SLC24A3: variants seen among roughly 807,000 people sequenced by gnomAD.
SLC24A3 encodes solute carrier family 24 member 3.
In SLC24A3, 28 loss-of-function variants were observed where a neutral mutation model predicts 75.8. The ratio of observed to expected loss-of-function variants is 0.37; its 90% CI spans 0.27 to 0.51. SLC24A3 has a LOEUF of 0.51. Ranked by LOEUF, SLC24A3 falls within the 20% of genes least tolerant of loss-of-function variation. SLC24A3 has a pLI of 0.94. For missense variants in SLC24A3, 663 were observed against 847.8 expected (o/e 0.78, Z 2.71); for synonymous variants, 372 against 334.1 (o/e 1.11, Z -1.24).
At chr20:19,651,778 G>T (rs1254428498) in intron 6 of SLC24A3, among the ~76,000 whole-genome samples, 1 of 149,974 alleles carries the variant, frequency 6.7e-6, no homozygotes, top group Admixed American at 6.7e-5. Flanking sequence ...GGAGAATGGT[G>T]TGAACCTGTG....
intron 6 of SLC24A3, among the ~76,000 whole-genome samples, chr20:19,608,718 G>A (rs2031630790): frequency 6.6e-6 from 1 of 152,200 alleles, no homozygotes; most frequent in South Asian, 2.1e-4. Flanking sequence ...TCTAAGTTCA[G>A]CATTCATTAT....
chr20:19,506,896 T>C (rs765468899), intron 2 of SLC24A3, among the ~76,000 whole-genome samples: 4 of 152,144 alleles, frequency 2.6e-5, no homozygotes, highest in Non-Finnish European at 5.9e-5. Flanking sequence ...ATATGATCTT[T>C]AGAACGAGAC....
intron 12 of SLC24A3, among the ~76,000 whole-genome samples, chr20:19,689,442 G>C (rs1176883025): frequency 6.6e-6 from 1 of 152,180 alleles, no homozygotes; most frequent in Non-Finnish European, 1.5e-5. Context: ...TCAGCTCTCA[G>C]TTGCTGGCTG....
At position 19,632,224 on chromosome 20, in the gene SLC24A3, G is replaced by A. The variant is rs184012384; in HGVS notation, c.613-21838G>A. On this transcript the variant is annotated intron_variant, in intron 6 of 16. Coordinates refer to ENST00000328041, the MANE Select transcript of SLC24A3 (RefSeq NM_020689.4). ...TGCGAAGTTCCATAGCAGGGTAGGT[G>A]TATTAGCTTCCTATCACCTCTATCA... Among the ~76,000 whole-genome samples, 8 of 152,290 alleles carry A rather than the reference G, an allele frequency of 5.3e-5. No homozygotes were observed. In the East Asian group the frequency reaches 1.2e-3, roughly 22 times the overall value.
rs373233821 is a variant in SLC24A3 at position 19,444,758 on chromosome 20, ACTAT to A, written c.272-70727_272-70724del. Among the ~76,000 whole-genome samples the A allele has an allele frequency of 3.2e-3, 481 of 151,934 alleles. 5 individuals carry two copies. Among genetic ancestry groups the A allele is most frequent in the African/African-American group, 0.011 (451 of 41,468 alleles). On this transcript the variant is annotated intron_variant, in intron 2 of 16. Transcript: ENST00000328041. ...TCAATTTTATTGTCCTTTTAAAAGAACTATCTTTTTGTTTTGCTGATTTTATCTA... is the reference window on the plus strand; with the variant it reads ...TCAATTTTATTGTCCTTTTAAAAGAACTTTTTGTTTTGCTGATTTTATCTA...
Position 19,351,252 on chromosome 20 carries a change from C to T in SLC24A3, c.271+70165C>T, listed in dbSNP as rs75686789. Among the ~76,000 whole-genome samples, 83 of 152,334 alleles carry T rather than the reference C, an allele frequency of 5.4e-4. 1 individual carries two copies. In the East Asian group the frequency reaches 8.7e-3, roughly 16 times the overall value. On this transcript the variant is annotated intron_variant, in intron 2 of 16. Coordinates refer to ENST00000328041, the MANE Select transcript of SLC24A3 (RefSeq NM_020689.4). ...CTTCAGGTTGTTGGATTTCCTCATA[C>T]ACCCAAACGTGGGGATCATCTCCCA...
intron 3 of SLC24A3, among the ~76,000 whole-genome samples, chr20:19,525,980 GGA>G (rs1244684983): frequency 1.3e-5 from 2 of 152,222 alleles, no homozygotes; most frequent in East Asian, 3.9e-4. Flanking sequence ...GAACGAACTC[GGA>G]GGTAGGGGAG....
intron 6 of SLC24A3, among the ~76,000 whole-genome samples, chr20:19,618,781 G>A (rs568609808): frequency 6.6e-6 from 1 of 152,322 alleles, no homozygotes; most frequent in African/African-American, 2.4e-5. Context: ...ACAGTGTTGG[G>A]AACTGTTACT....
At chr20:19,640,147 C>T (rs962247690) in intron 6 of SLC24A3, among the ~76,000 whole-genome samples, 1 of 152,256 alleles carries the variant, frequency 6.6e-6, no homozygotes, top group Non-Finnish European at 1.5e-5. Flanking sequence ...GCAGAGGAGG[C>T]GCGGAGAGCG....
intron 1 of SLC24A3, among the ~76,000 whole-genome samples, chr20:19,266,334 T>C (rs1983165920): frequency 1.3e-5 from 2 of 152,128 alleles, no homozygotes; most frequent in Non-Finnish European, 2.9e-5. Context: ...CCCTAGAGAG[T>C]CCCGATACTT....
chr20:19,624,649 C>T (rs1200044534), intron 6 of SLC24A3, among the ~76,000 whole-genome samples: 1 of 152,178 alleles, frequency 6.6e-6, no homozygotes, highest in Non-Finnish European at 1.5e-5. Flanking sequence ...TAAGTCACAT[C>T]AGCATGCTCA....
intron 2 of SLC24A3, among the ~76,000 whole-genome samples, chr20:19,314,135 C>T (rs933352183): frequency 2.6e-5 from 4 of 152,108 alleles, no homozygotes; most frequent in African/African-American, 9.7e-5. Flanking sequence ...TTTCTGTCCC[C>T]AACTTTGTCT....
intron 9 of SLC24A3, among the ~76,000 whole-genome samples, chr20:19,678,537 A>G (rs1292841766): frequency 8.4e-6 from 1 of 118,562 alleles, no homozygotes; most frequent in Non-Finnish European, 1.7e-5. Context: ...TCCCTCCCGG[A>G]CGGGGCGGCT....
At chr20:19,664,266 G>A (rs190054489) in intron 7 of SLC24A3, among the ~76,000 whole-genome samples, 12 of 152,302 alleles carry the variant, frequency 7.9e-5, no homozygotes, top group Admixed American at 7.8e-4. Context: ...TTATACAAAA[G>A]AGCTGTCAAT....
At chr20:19,562,807 G>A (rs554990326) in intron 3 of SLC24A3, among the ~76,000 whole-genome samples, 1 of 151,978 alleles carries the variant, frequency 6.6e-6, no homozygotes, top group South Asian at 2.1e-4. Context: ...GACACCCTAG[G>A]ATGACCTAGT....
At chr20:19,455,586 G>A (rs929026465) in intron 2 of SLC24A3, among the ~76,000 whole-genome samples, 3 of 152,218 alleles carry the variant, frequency 2.0e-5, no homozygotes, top group Non-Finnish European at 2.9e-5. Flanking sequence ...TAATCAGCGA[G>A]AGATAAGAGT....
At chr20:19,645,987 C>T (rs1177455253) in intron 6 of SLC24A3, among the ~76,000 whole-genome samples, 7 of 151,984 alleles carry the variant, frequency 4.6e-5, no homozygotes, top group African/African-American at 9.7e-5. Flanking sequence ...CTTGGGAAGT[C>T]GAGGCTGCAG....
intron 2 of SLC24A3, among the ~76,000 whole-genome samples, chr20:19,468,957 G>A (rs963659865): frequency 1.3e-5 from 2 of 152,188 alleles, no homozygotes; most frequent in African/African-American, 4.8e-5. Flanking sequence ...AGCCCTGAGG[G>A]TTCTAGAGTG....
intron 2 of SLC24A3, among the ~76,000 whole-genome samples, chr20:19,349,809 G>T (rs1985525151): frequency 6.6e-6 from 1 of 152,200 alleles, no homozygotes. Context: ...CAGATTGAAT[G>T]ACTCCCAAGT....
Sources: gnomAD v4.1 joint callset for allele counts (sites outside exome capture counted in the v4.1 genomes callset) on GRCh38, gnomAD v4.1.1 for gene constraint, MANE v1.5 for transcripts, NCBI Gene and HGNC (gene_info 2026-07-23, HGNC 2026-07-21) for gene names.